The following HUWE1 variants were observed in gnomAD, a reference collection of about 807,000 sequenced individuals.
HUWE1 encodes HECT, UBA and WWE domain containing E3 ubiquitin protein ligase 1, also known as E3 ubiquitin-protein ligase HUWE1.
HUWE1 carries 18 observed loss-of-function variants against 299.4 expected under a neutral mutation model. The observed-to-expected ratio is 0.06, with a 90% confidence interval of 0.04 to 0.09. The LOEUF (loss-of-function observed/expected upper bound fraction) is 0.09, where lower values mean the gene tolerates loss of function less well. Ranked by LOEUF, HUWE1 falls within the 10% of genes least tolerant of loss-of-function variation. HUWE1 has a pLI of 1.00. For synonymous variants in HUWE1, 1,317 were observed against 1,286.1 expected (o/e 1.02, Z -0.51); for missense variants, 1,832 against 3,462.3 (o/e 0.53, Z 11.82).
chrX:53,624,644 T>C lies in HUWE1; in HGVS notation c.1623A>G (p.Lys541=). ...VMDGSLPTSL[K]HIISNAEYYG... ...AGTATTCTGCATTGCTGATGATGTG[T>C]TTCAGGGAGGTAGGCAGAGAACCAT... The change falls in exon 19 of 84, where the codon AAA becomes AAG. Residue 541 remains lysine, a synonymous_variant. Coordinates refer to ENST00000262854, the MANE Select transcript of HUWE1 (RefSeq NM_031407.7). 8.3e-7 allele frequency: 1 copy of C among 1,204,347 alleles called. No individual in the cohort carries two copies. Among genetic ancestry groups the C allele is most frequent in the Non-Finnish European group, 1.1e-6 (1 of 888,834 alleles).
intron 29 of HUWE1, among the ~76,000 whole-genome samples, chrX:53,596,100 C>CAT (rs1187357407): frequency 8.9e-6 from 1 of 111,739 alleles, no homozygotes; most frequent in African/African-American, 3.3e-5. Flanking sequence ...AAAATGTTGC[C>CAT]ATAGCATTTT....
At chrX:53,631,760 T>C in intron 9 of HUWE1, 146 bp from the exon 10 acceptor site, 1 of 476,612 alleles carries the variant, frequency 2.1e-6, no homozygotes, top group South Asian at 3.1e-5. Flanking sequence ...TCAAGGTAAA[T>C]TGAGAATCTT....
intron 75 of HUWE1, 93 bp from the exon 76 acceptor site, chrX:53,539,173 T>C: frequency 1.0e-6 from 1 of 967,287 alleles, no homozygotes; most frequent in Non-Finnish European, 1.4e-6. Context: ...TAAAAATAAA[T>C]AAGGAAGAAG....
chrX:53,542,137 C>T (rs782600986), intron 74 of HUWE1, among the ~76,000 whole-genome samples: 14 of 112,089 alleles, frequency 1.2e-4, no homozygotes, highest in African/African-American at 4.5e-4. Flanking sequence ...GAGCAGACAT[C>T]GTGCCACTGC....
rs782302280 is a variant in HUWE1, at chrX:53,645,703, A to C, written c.352-240T>G. 6.3e-3 allele frequency among the ~76,000 whole-genome samples: 495 copies of C among 78,313 alleles called. 3 individuals are homozygous for C. The highest frequency in any genetic ancestry group is 0.021 in the Middle Eastern group (3 of 145). The allele number at this position is 78,313 out of a possible 115,157, so 68.0% of individuals were successfully genotyped here. A position where few individuals can be genotyped will look rare whatever the true frequency, so the allele number is the denominator to read the frequency against. On this transcript the variant is annotated intron_variant, in intron 6 of 83. Transcript: ENST00000262854. ...ACTCCAGCCTGGGCAACAGAGGGAG[A>C]CTCTGTCTCAAAAAAAGAAAAAAAA... is the stretch of plus-strand genomic sequence containing the variant.
At chrX:53,603,220 T>A in intron 27 of HUWE1, 148 bp downstream of exon 27, 1 of 542,960 alleles carries the variant, frequency 1.8e-6, no homozygotes, top group East Asian at 3.7e-5. Context: ...CGACAAAGCA[T>A]TTGTCATCAA....
intron 2 of HUWE1, among the ~76,000 whole-genome samples, chrX:53,684,698 A>G (rs1245134458): frequency 8.9e-6 from 1 of 112,253 alleles, no homozygotes; most frequent in African/African-American, 3.2e-5. Context: ...AAGACGTTCA[A>G]TCTCACAGTA....
chrX:53,546,068 T>C (rs2061527507), intron 70 of HUWE1, among the ~76,000 whole-genome samples: 1 of 111,975 alleles, frequency 8.9e-6, no homozygotes, highest in Admixed American at 9.4e-5. Context: ...CTGAATGCAG[T>C]GTAGGGACAT....
intron 23 of HUWE1, among the ~76,000 whole-genome samples, chrX:53,611,875 T>A (rs1039300494): frequency 5.6e-5 from 6 of 107,950 alleles, no homozygotes; most frequent in Non-Finnish European, 1.2e-4. Context: ...AAAAAATAAA[T>A]AAATAAAATA....
At chrX:53,593,035 G>A (rs935503057) in intron 32 of HUWE1, among the ~76,000 whole-genome samples, 1 of 112,138 alleles carries the variant, frequency 8.9e-6, no homozygotes, top group Non-Finnish European at 1.9e-5. Context: ...CTCCCTAGAA[G>A]CCCAGCAGAT....
At chrX:53,551,888 A>G (rs868933235) in intron 63 of HUWE1, among the ~76,000 whole-genome samples, 7 of 111,434 alleles carry the variant, frequency 6.3e-5, no homozygotes, top group African/African-American at 2.3e-4. Context: ...AAACCAGTGT[A>G]TATGTCTTCA....
At chrX:53,666,553 A>T (rs1557047700) in intron 3 of HUWE1, among the ~76,000 whole-genome samples, 1 of 111,582 alleles carries the variant, frequency 9.0e-6, no homozygotes, top group Non-Finnish European at 1.9e-5. Flanking sequence ...TTGCCAGAGC[A>T]ATCTCCCTAA....
intron 59 of HUWE1, 77 bp from the exon 60 acceptor site, chrX:53,557,504 C>G (rs1049934877): frequency 1.2e-6 from 1 of 803,880 alleles, no homozygotes; most frequent in Non-Finnish European, 1.9e-6. Context: ...AGTCACCATC[C>G]TCCACCCAGA....
intron 2 of HUWE1, among the ~76,000 whole-genome samples, chrX:53,682,431 G>C (rs950836523): frequency 9.0e-6 from 1 of 111,392 alleles, no homozygotes. Flanking sequence ...GGGGCTAAAA[G>C]AAAACAATGC....
rs989944915 is a variant in HUWE1 at position 53,635,110 on chromosome X, T to C, written c.505-812A>G. On this transcript the variant is annotated intron_variant, in intron 7 of 83. Coordinates refer to ENST00000262854, the MANE Select transcript of HUWE1 (RefSeq NM_031407.7). ...CAAGGCATATAGTTCAGGCAAACAATTGACGAAGTGAAAGAAATGAGATAT... is the reference window on the plus strand; with the variant it reads ...CAAGGCATATAGTTCAGGCAAACAACTGACGAAGTGAAAGAAATGAGATAT... 7.2e-5 allele frequency among the ~76,000 whole-genome samples: 8 copies of C among 110,544 alleles called. No homozygotes were observed. In the East Asian group the frequency reaches 1.4e-3, roughly 19 times the overall value.
At chrX:53,566,726 A>G (rs1362393267) in intron 49 of HUWE1, among the ~76,000 whole-genome samples, 2 of 111,614 alleles carry the variant, frequency 1.8e-5, no homozygotes, top group African/African-American at 6.5e-5. Flanking sequence ...ATTTAGCATC[A>G]CAAGTATTGG....
Position 53,603,480 on chromosome X carries a change from C to T in HUWE1, c.2764G>A (p.Val922Ile). The change falls in exon 27 of 84, where the codon GTA (valine) becomes ATA (isoleucine). Residue 922 changes from valine (V) to isoleucine (I), a missense_variant. This residue lies in a region of HUWE1 where 658 missense variants were observed against 1,282.6 expected (regional missense o/e 0.51). Coordinates refer to ENST00000262854, the MANE Select transcript of HUWE1 (RefSeq NM_031407.7). Reference protein sequence around the residue: ...VGQSEIRSISVNQWGSQLGLS... With the variant: ...VGQSEIRSISINQWGSQLGLS... ...CCCAATTGAGAGCCCCACTGGTTTA[C>T]GGAGATGGAACGAATTTCACTCTGC... The T allele has an allele frequency of 8.3e-7, 1 of 1,209,330 alleles. No individual in the cohort carries two copies. Among genetic ancestry groups the T allele is most frequent in the Non-Finnish European group, 1.1e-6 (1 of 893,760 alleles).
intron 3 of HUWE1, among the ~76,000 whole-genome samples, chrX:53,668,231 C>T (rs1286938976): frequency 9.1e-6 from 1 of 109,959 alleles, no homozygotes; most frequent in Non-Finnish European, 1.9e-5. Flanking sequence ...ATCATGACAT[C>T]AGGAGTTCAA....
chrX:53,552,759 C>T lies in HUWE1; in HGVS notation c.8629G>A (p.Ala2877Thr). 8.3e-7 allele frequency: 1 copy of T among 1,211,992 alleles called. No homozygotes were observed. Among genetic ancestry groups the T allele is most frequent in the Admixed American group, 2.2e-5 (1 of 46,053 alleles). ...GCTCTGGGCTGCTCAGAACTGCCAG[C>T]TGCTGAAGTGTCACCCACAGCCTCC... ...LEEAVGDTSA[A>T]GSSEQPRAGS... Residue 2877 changes from alanine to threonine, a missense_variant, in exon 62 of 84, where the codon GCT (alanine) becomes ACT (threonine). Physicochemically the swap from Ala to Thr is moderately conservative, Grantham distance 58 (BLOSUM62 0). Coordinates refer to ENST00000262854, the MANE Select transcript of HUWE1 (RefSeq NM_031407.7).
Sources: allele counts gnomAD v4.1 joint callset (sites outside exome capture counted in the v4.1 genomes callset), GRCh38; gene constraint gnomAD v4.1.1; regional missense constraint gnomAD v4.1.1; transcripts MANE v1.5; gene names NCBI Gene and HGNC (gene_info 2026-07-23, HGNC 2026-07-21).